The following ZDHHC8 variants were observed in gnomAD, a reference collection of about 807,000 sequenced individuals.
The protein encoded by ZDHHC8 is palmitoyltransferase ZDHHC8.
Under a neutral mutation model 61.2 loss-of-function variants are expected in ZDHHC8, and 24 were observed. The ratio of observed to expected loss-of-function variants is 0.39; its 90% confidence interval spans 0.28 to 0.55. ZDHHC8 has a LOEUF of 0.55. Ranked by LOEUF, ZDHHC8 falls within the 20% of genes least tolerant of loss-of-function variation. The probability of loss-of-function intolerance (pLI) is 0.60; values close to 1 mark genes in which losing one functional copy is unlikely to be tolerated. For missense variants in ZDHHC8, 935 were observed against 1,102.1 expected (o/e 0.85, Z 2.15); for synonymous variants, 523 against 492.5 (o/e 1.06, Z -0.82).
At chr22:20,135,830 C>T (rs1345563607) in intron 1 of ZDHHC8, among the ~76,000 whole-genome samples, 1 of 152,274 alleles carries the variant, frequency 6.6e-6, no homozygotes, top group African/African-American at 2.4e-5. Flanking sequence ...GGCGCAGCAG[C>T]TTCTGCCCCG....
intron 1 of ZDHHC8, among the ~76,000 whole-genome samples, chr22:20,134,953 A>G (rs2050407545): frequency 1.3e-5 from 2 of 151,988 alleles, no homozygotes; most frequent in Admixed American, 1.3e-4. Flanking sequence ...TTTGTTTGAG[A>G]CAGGGTCTCA....
rs1420390633 is a variant in ZDHHC8, at chr22:20,145,142, G to A, written c.2127-87G>A. On this transcript the variant is annotated intron_variant, in intron 10 of 10. Transcript: ENST00000334554. ...GGCTGCACTAGTCCACGTCCGCGTC[G>A]TCTCTGTCTTGCTGCCTCCTCCGTC... The A allele has an allele frequency of 5.2e-5, 65 of 1,241,238 alleles. No homozygotes were observed. The East Asian group carries it at 1.6e-3, about 31-fold the overall frequency. 76.9% of individuals were successfully genotyped at this position (1,241,238 alleles called of 1,614,324 possible).
At chr22:20,136,005 CCAGCCCAGGCGGGACTTGGGGCCT>C (rs1339719236) in intron 1 of ZDHHC8, among the ~76,000 whole-genome samples, 3 of 152,278 alleles carry the variant, frequency 2.0e-5, no homozygotes, top group Non-Finnish European at 4.4e-5. Flanking sequence ...TATCTCCCTG[CCAGCCCAGGCGGGACTTGGGGCCT>C]CAGCCCGGGT....
In ZDHHC8 at chr22:20,139,313, G is replaced by A. The variant is rs763395858; in HGVS notation, c.224G>A (p.Arg75Gln). 8 of 1,613,322 alleles carry A rather than the reference G, an allele frequency of 5.0e-6. No homozygotes were observed. Among genetic ancestry groups the A allele is most frequent in the South Asian group, 1.1e-5 (1 of 91,012 alleles). ...TTCATGGACCCTGGTGTTTTCCCCC[G>A]AGGTAGGGCCCTGTGCTGCGGCAGC... Reference protein sequence around the residue: ...ATFMDPGVFPRADEDEDKEDD... With the variant: ...ATFMDPGVFPQADEDEDKEDD... Residue 75 changes from arginine to glutamine, a missense_variant and splice_region_variant, in exon 2 of 11, where the codon CGA becomes CAA. Coordinates refer to ENST00000334554, the MANE Select transcript of ZDHHC8 (RefSeq NM_013373.4).
At chr22:20,136,635 G>T (rs539570637) in intron 1 of ZDHHC8, among the ~76,000 whole-genome samples, 4 of 152,376 alleles carry the variant, frequency 2.6e-5, no homozygotes, top group South Asian at 4.1e-4. Flanking sequence ...GTCTTGGTGG[G>T]TGAGTGATGT....
At chr22:20,139,100 C>A (rs760308646) in intron 1 of ZDHHC8, 94 bp from the exon 2 acceptor site, 160 of 1,509,584 alleles carry the variant, frequency 1.1e-4, no homozygotes, top group Non-Finnish European at 1.4e-4. Context: ...CTGAGGGTGA[C>A]CTTGCAGGCC....
Position 20,142,857 on chromosome 22 carries a change from C to G in ZDHHC8, c.1227C>G (p.Gly409=), listed in dbSNP as rs2050482674. ...ACCTCCCTGACTATGGGCCAGGGGG[C>G]CTGCATGCAGCCTACCCGCCATCCC... is the stretch of plus-strand genomic sequence containing the variant. The part of the protein sequence containing the change: ...SLDLPDYGPG[G]LHAAYPPSPP... The change falls in exon 10 of 11, where the codon GGC becomes GGG. Residue 409 remains glycine (G), a synonymous_variant. Transcript: ENST00000334554. The G allele has an allele frequency of 6.2e-7, 1 of 1,612,436 alleles. No individual in the cohort carries two copies. The highest frequency in any genetic ancestry group is 1.3e-5 in the African/African-American group (1 of 75,052).
intron 1 of ZDHHC8, among the ~76,000 whole-genome samples, chr22:20,137,026 C>T (rs1271234280): frequency 6.6e-6 from 1 of 152,226 alleles, no homozygotes; most frequent in Non-Finnish European, 1.5e-5. Context: ...ACAGAGAGGA[C>T]AGTTGCCTCA....
Position 20,131,984 on chromosome 22 carries a change from A to C in ZDHHC8, c.37A>C (p.Lys13Gln). 1 of 1,357,416 alleles carries C rather than the reference A, an allele frequency of 7.4e-7. No individual in the cohort carries two copies. Among genetic ancestry groups the C allele is most frequent in the Non-Finnish European group, 9.6e-7 (1 of 1,037,612 alleles). 84.1% of individuals were successfully genotyped at this position (1,357,416 alleles called of 1,614,324 possible). The change falls in exon 1 of 11, where the codon AAG becomes CAG. Residue 13 changes from lysine to glutamine, a missense_variant. Transcript: ENST00000334554. ...CCCCGGGACGCGCCTCAAACCCGCC[A>C]AGTACATCCCGGTGGCCACGGCCGC... ...RSPGTRLKPA[K>Q]YIPVATAAAL...
At chr22:20,135,000 C>T (rs1341868180) in intron 1 of ZDHHC8, among the ~76,000 whole-genome samples, 1 of 152,286 alleles carries the variant, frequency 6.6e-6, no homozygotes, top group East Asian at 1.9e-4. Flanking sequence ...GGTGCTACCT[C>T]GGCTCACTGC....
At chr22:20,133,832 C>T (rs1337277116) in intron 1 of ZDHHC8, among the ~76,000 whole-genome samples, 2 of 152,118 alleles carry the variant, frequency 1.3e-5, no homozygotes, top group African/African-American at 4.8e-5. Flanking sequence ...TCCTGTCCTC[C>T]TTGGAGGGCT....
Position 20,146,105 on chromosome 22 carries a change from C to T in ZDHHC8, c.*705C>T. On this transcript the variant is annotated 3_prime_UTR_variant, in exon 11 of 11. Coordinates refer to ENST00000334554, the MANE Select transcript of ZDHHC8 (RefSeq NM_013373.4). ...CCGCCGCTGTCCCTTTCATCAAAGCCTTAACCTTTGCTTTATGCTCTTGTG... is the reference window on the plus strand; with the variant it reads ...CCGCCGCTGTCCCTTTCATCAAAGCTTTAACCTTTGCTTTATGCTCTTGTG... 1 of 985,862 alleles carries T rather than the reference C, an allele frequency of 1.0e-6. No homozygotes were observed. The highest frequency in any genetic ancestry group is 1.2e-6 in the Non-Finnish European group (1 of 830,008). The allele number at this position is 985,862 out of a possible 1,614,324, so 61.1% of individuals were successfully genotyped here. A position where few individuals can be genotyped will look rare whatever the true frequency, so the allele number is the denominator to read the frequency against.
chr22:20,139,860 T>C lies in ZDHHC8; in HGVS notation c.525T>C (p.Ala175=). 6.4e-7 allele frequency: 1 copy of C among 1,569,260 alleles called. No homozygotes were observed. Among genetic ancestry groups the C allele is most frequent in the Non-Finnish European group, 8.7e-7 (1 of 1,154,242 alleles). The change falls in exon 4 of 11, where the codon GCT becomes GCC. Residue 175 remains alanine, a synonymous_variant. Transcript: ENST00000334554. ...AFGLVYVLNH[A]EGLGAAHTTI... Reference sequence around the variant, plus strand: ...GCCTGGTCTACGTGCTGAACCACGCTGAGGGGCTGGGAGCCGCGCACACCA... The same window carrying C: ...GCCTGGTCTACGTGCTGAACCACGCCGAGGGGCTGGGAGCCGCGCACACCA...
intron 1 of ZDHHC8, among the ~76,000 whole-genome samples, chr22:20,133,927 T>G (rs1205728800): frequency 6.6e-6 from 1 of 152,188 alleles, no homozygotes; most frequent in Non-Finnish European, 1.5e-5. Flanking sequence ...CAGAGGGCCC[T>G]TTACGTGACT....
chr22:20,146,062 G>A lies in ZDHHC8; in HGVS notation c.*662G>A. The A allele has an allele frequency of 1.0e-6, 1 of 985,864 alleles. No individual in the cohort carries two copies. Among genetic ancestry groups the A allele is most frequent in the South Asian group, 4.7e-5 (1 of 21,296 alleles). 61.1% of individuals were successfully genotyped at this position (985,864 alleles called of 1,614,324 possible). ...TGTGCTGTGCTGCCGCGCCGTGTCT[G>A]ATGTGTCAGTGCTCCGGCCGCCGCT... On this transcript the variant is annotated 3_prime_UTR_variant, in exon 11 of 11. Coordinates refer to ENST00000334554, the MANE Select transcript of ZDHHC8 (RefSeq NM_013373.4).
intron 1 of ZDHHC8, 25 bp downstream of exon 1, chr22:20,132,076 C>A: frequency 8.0e-7 from 1 of 1,249,108 alleles, no homozygotes; most frequent in Non-Finnish European, 1.0e-6. Context: ...CGTCTGGGGG[C>A]ACGCGGGCAG....
rs749719121 is a variant in ZDHHC8 at position 20,147,118 on chromosome 22, C to T, written c.*1718C>T. 3.3e-5 allele frequency: 50 copies of T among 1,533,396 alleles called. No individual in the cohort carries two copies. Among genetic ancestry groups the T allele is most frequent in the South Asian group, 1.5e-4 (12 of 82,736 alleles). 95.0% of individuals were successfully genotyped at this position (1,533,396 alleles called of 1,614,324 possible). On this transcript the variant is annotated 3_prime_UTR_variant, in exon 11 of 11. Coordinates refer to ENST00000334554, the MANE Select transcript of ZDHHC8 (RefSeq NM_013373.4). ...GTGCCACCTTGGCCGCCCGGAGGAC[C>T]GCCCACCACTGCGGGCCCCCTGGAG...
rs780509409 is a variant in ZDHHC8 at position 20,143,000 on chromosome 22, C to T, written c.1370C>T (p.Pro457Leu). The change falls in exon 10 of 11, where the codon CCC (proline) becomes CTC (leucine). Residue 457 changes from proline to leucine, a missense_variant. Physicochemically the swap from Pro to Leu is moderately conservative, Grantham distance 98 (BLOSUM62 -3). Transcript: ENST00000334554. ...CAGCCCCTGCGCTCTGAGGGGGGGCCCCCCACGCCCCACCGTAGCATTTTT... is the reference window on the plus strand; with the variant it reads ...CAGCCCCTGCGCTCTGAGGGGGGGCTCCCCACGCCCCACCGTAGCATTTTT... The part of the protein sequence containing the change: ...ALQPLRSEGG[P>L]PTPHRSIFAP... The T allele has an allele frequency of 8.1e-6, 13 of 1,606,294 alleles. No individual in the cohort carries two copies. The highest frequency in any genetic ancestry group is 1.1e-5 in the Non-Finnish European group (13 of 1,175,648).
chr22:20,142,768 G>A lies in ZDHHC8; in HGVS notation c.1138G>A (p.Asp380Asn). 6.2e-7 allele frequency: 1 copy of A among 1,612,578 alleles called. No individual in the cohort carries two copies. Among genetic ancestry groups the A allele is most frequent in the Non-Finnish European group, 8.5e-7 (1 of 1,179,938 alleles). The change falls in exon 10 of 11, where the codon GAT becomes AAT. Residue 380 changes from aspartate to asparagine, a missense_variant. Asp to Asn is a conservative substitution (Grantham distance 23). Around this residue, in one of 3 missense-constraint regions of ZDHHC8, gnomAD observed 692 missense variants for 731.4 expected, o/e 0.95. Transcript: ENST00000334554. ...CTTCTCCCTACAGGTTCCAGGCCCT[G>A]ATTCCCTGACCCTGGGGGACGACAG... ...CGPGEQVPGP[D>N]SLTLGDDSIR...
Sources: allele counts gnomAD v4.1 joint callset (sites outside exome capture counted in the v4.1 genomes callset), GRCh38; gene constraint gnomAD v4.1.1; regional missense constraint gnomAD v4.1.1; transcripts MANE v1.5; gene names NCBI Gene and HGNC (gene_info 2026-07-23, HGNC 2026-07-21).